The following AKAP19 variants were observed in gnomAD, a reference collection of about 807,000 sequenced individuals.
AKAP19 encodes small A-kinase anchoring protein.
chr2:189,906,836 A>G, the AKAP19 span, among the ~76,000 whole-genome samples: 1 of 152,202 alleles, frequency 6.6e-6, no homozygotes, highest in South Asian at 2.1e-4. Flanking sequence ...TTTGCCTGAT[A>G]CATAATTGCT....
chr2:190,115,741 C>A, the AKAP19 span, among the ~76,000 whole-genome samples: 402 of 152,212 alleles, frequency 2.6e-3, 4 homozygotes, highest in African/African-American at 9.1e-3. Flanking sequence ...AGAACAATGC[C>A]TTTCTTTGTG....
At chr2:190,146,455 T>C in the AKAP19 span, among the ~76,000 whole-genome samples, 1 of 152,256 alleles carries the variant, frequency 6.6e-6, no homozygotes, top group Admixed American at 6.5e-5. Context: ...TGTGCCGCTA[T>C]AAACATGCAT....
the AKAP19 span, among the ~76,000 whole-genome samples, chr2:190,072,970 C>G: frequency 2.6e-5 from 4 of 151,968 alleles, no homozygotes; most frequent in Admixed American, 6.6e-5. Flanking sequence ...ATTAAAGTGA[C>G]AGCTAAAACA....
At chr2:190,040,583 T>C in the AKAP19 span, among the ~76,000 whole-genome samples, 1 of 152,360 alleles carries the variant, frequency 6.6e-6, no homozygotes. Flanking sequence ...ATCTTTGCCA[T>C]GAAATCTTTG....
the AKAP19 span, chr2:190,199,943 T>A: frequency 6.2e-7 from 1 of 1,614,100 alleles, no homozygotes; most frequent in South Asian, 1.1e-5. Flanking sequence ...GAAGAACCCT[T>A]TATGCCAGAA....
chr2:189,931,238 A>G, the AKAP19 span, among the ~76,000 whole-genome samples: 1 of 152,124 alleles, frequency 6.6e-6, no homozygotes, highest in Non-Finnish European at 1.5e-5. Context: ...TTTTGAATTA[A>G]TTTACATTTA....
At chr2:189,904,906 G>T in the AKAP19 span, among the ~76,000 whole-genome samples, 1 of 151,934 alleles carries the variant, frequency 6.6e-6, no homozygotes, top group Non-Finnish European at 1.5e-5. Flanking sequence ...AGAATATTCG[G>T]AATGAAACAA....
At chr2:190,177,213 A>T in the AKAP19 span, among the ~76,000 whole-genome samples, 1 of 151,996 alleles carries the variant, frequency 6.6e-6, no homozygotes, top group African/African-American at 2.4e-5. This position sits in a 1 kb window ranked among gnomAD's most constrained non-coding sequence, Gnocchi z 4.6. Flanking sequence ...TTATTTTGTA[A>T]CCTGAGATAA....
At chr2:190,075,014 C>G in the AKAP19 span, among the ~76,000 whole-genome samples, 1 of 152,018 alleles carries the variant, frequency 6.6e-6, no homozygotes, top group East Asian at 1.9e-4. Context: ...ATTAGCTAGG[C>G]GTGTTTACCA....
At chr2:190,028,007 T>A in the AKAP19 span, among the ~76,000 whole-genome samples, 3 of 152,162 alleles carry the variant, frequency 2.0e-5, no homozygotes, top group South Asian at 6.2e-4. Flanking sequence ...ACTGCCTTTT[T>A]TTAGTAACCC....
At chr2:189,912,128 A>C in the AKAP19 span, among the ~76,000 whole-genome samples, 2 of 152,130 alleles carry the variant, frequency 1.3e-5, no homozygotes, top group Non-Finnish European at 2.9e-5. Flanking sequence ...TACATATAAT[A>C]AGCCTTATTA....
the AKAP19 span, among the ~76,000 whole-genome samples, chr2:190,191,137 T>C: frequency 6.6e-6 from 1 of 152,020 alleles, no homozygotes; most frequent in African/African-American, 2.4e-5. Flanking sequence ...TTGCATACAA[T>C]TTTTTTTCTT....
At chr2:190,057,326 T>G in the AKAP19 span, 1 of 1,613,374 alleles carries the variant, frequency 6.2e-7, no homozygotes, top group African/African-American at 1.3e-5. Flanking sequence ...TCTTTGCCAT[T>G]AAAATATAGC....
the AKAP19 span, among the ~76,000 whole-genome samples, chr2:189,888,854 G>T: frequency 1.3e-5 from 2 of 152,142 alleles, no homozygotes; most frequent in African/African-American, 4.8e-5. Context: ...GAGATGATGG[G>T]GTTTTCTAAA....
the AKAP19 span, among the ~76,000 whole-genome samples, chr2:189,895,579 C>T: frequency 6.6e-6 from 1 of 152,154 alleles, no homozygotes; most frequent in Admixed American, 6.5e-5. Context: ...AGTTCTAACT[C>T]TGCAGGTGTT....
the AKAP19 span, among the ~76,000 whole-genome samples, chr2:190,033,261 TG>T: frequency 1.1e-4 from 16 of 152,184 alleles, no homozygotes; most frequent in Admixed American, 2.0e-4. Flanking sequence ...AGAACATAAT[TG>T]TGCTGCTTAC....
At chr2:190,194,477 T>TACACACACACACACACACACAC in the AKAP19 span, among the ~76,000 whole-genome samples, 2 of 141,370 alleles carry the variant, frequency 1.4e-5, no homozygotes, top group South Asian at 2.3e-4. Context: ...ATCCTGTGTA[T>TACACACACACACACACACACAC]ACACACACAC....
the AKAP19 span, among the ~76,000 whole-genome samples, chr2:189,959,423 T>G: frequency 6.6e-6 from 1 of 152,204 alleles, no homozygotes; most frequent in Non-Finnish European, 1.5e-5. Flanking sequence ...ATTTATTCTT[T>G]GCCATAATTC....
chr2:190,113,577 A>G, the AKAP19 span, among the ~76,000 whole-genome samples: 1 of 152,172 alleles, frequency 6.6e-6, no homozygotes, highest in Non-Finnish European at 1.5e-5. Flanking sequence ...AGAACCTCTC[A>G]CCCTTATGAC....
Sources: allele counts gnomAD v4.1 joint callset (sites outside exome capture counted in the v4.1 genomes callset), GRCh38; gene constraint gnomAD v4.1.1; non-coding constraint Gnocchi (gnomAD v3.1); transcripts MANE v1.5; gene names NCBI Gene and HGNC (gene_info 2026-07-23, HGNC 2026-07-21).